Variants in KDM4C observed in about 807,000 individuals in gnomAD.
The protein encoded by KDM4C is lysine-specific demethylase 4C.
In KDM4C, 81 loss-of-function variants were observed where a neutral mutation model predicts 129.3. That is an observed-to-expected ratio of 0.63 (90% CI 0.52 to 0.75). The LOEUF is 0.75. Ranked by LOEUF, KDM4C falls within the 30% of genes least tolerant of loss-of-function variation. The pLI, the probability that KDM4C is intolerant of heterozygous loss-of-function variation, is 0.00. For synonymous variants in KDM4C, 573 were observed against 456.1 expected (o/e 1.26, Z -3.26); for missense variants, 1,457 against 1,304.0 (o/e 1.12, Z -1.81).
At chr9:7,052,802 T>C (rs560065235) in intron 17 of KDM4C, among the ~76,000 whole-genome samples, 8 of 149,050 alleles carry the variant, frequency 5.4e-5, no homozygotes, top group Non-Finnish European at 8.9e-5. Flanking sequence ...CAGTTTCTTA[T>C]GTTGCTCTTA....
chr9:6,806,871 C>CGTCTCT (rs1830068302), intron 3 of KDM4C, among the ~76,000 whole-genome samples: 1 of 139,270 alleles, frequency 7.2e-6, no homozygotes, highest in Non-Finnish European at 1.5e-5. Context: ...TCTCCCTCTC[C>CGTCTCT]GTCTCCGTCT....
intron 8 of KDM4C, among the ~76,000 whole-genome samples, chr9:6,972,731 G>A (rs1268420077): frequency 6.6e-6 from 1 of 152,122 alleles, no homozygotes; most frequent in Non-Finnish European, 1.5e-5. Flanking sequence ...TCTGCGTGTT[G>A]GATACCTGTT....
intron 8 of KDM4C, among the ~76,000 whole-genome samples, chr9:6,898,401 C>A (rs1254980280): frequency 6.6e-6 from 1 of 152,086 alleles, no homozygotes; most frequent in Admixed American, 6.5e-5. Context: ...AAGAGACTTA[C>A]TGTGTCAGAA....
intron 19 of KDM4C, among the ~76,000 whole-genome samples, chr9:7,132,112 A>T (rs371786216): frequency 3.3e-5 from 5 of 152,228 alleles, no homozygotes; most frequent in East Asian, 1.9e-4. Flanking sequence ...GGTACAGTGC[A>T]ATTTCAGTTT....
At chr9:7,136,262 G>T (rs906578309) in intron 19 of KDM4C, among the ~76,000 whole-genome samples, 7 of 152,036 alleles carry the variant, frequency 4.6e-5, no homozygotes, top group African/African-American at 1.7e-4. Flanking sequence ...TTCCTGTTTG[G>T]GGCTATTATA....
chr9:7,044,817 G>A (rs908589880), intron 15 of KDM4C, among the ~76,000 whole-genome samples: 14 of 151,866 alleles, frequency 9.2e-5, no homozygotes, highest in African/African-American at 3.4e-4. Flanking sequence ...GAAGTAATAG[G>A]GCCTATTACA....
chr9:7,134,588 TCTC>T (rs1324750975), intron 19 of KDM4C, among the ~76,000 whole-genome samples: 2 of 152,250 alleles, frequency 1.3e-5, no homozygotes, highest in African/African-American at 2.4e-5. Context: ...TAGCTTGAAT[TCTC>T]CTATTTCAGA....
intron 12 of KDM4C, among the ~76,000 whole-genome samples, chr9:7,010,562 A>C (rs910018509): frequency 6.6e-6 from 1 of 152,216 alleles, no homozygotes; most frequent in Non-Finnish European, 1.5e-5. Flanking sequence ...TTTGAAAGCT[A>C]CTTATGCAGA....
chr9:6,813,646 A>G (rs1225082753), intron 3 of KDM4C, among the ~76,000 whole-genome samples: 1 of 152,178 alleles, frequency 6.6e-6, no homozygotes, highest in Non-Finnish European at 1.5e-5. Context: ...TTCTTCCTGA[A>G]GAAACATTGG....
intron 19 of KDM4C, among the ~76,000 whole-genome samples, chr9:7,153,149 G>T (rs1842867189): frequency 6.6e-6 from 1 of 152,012 alleles, no homozygotes. Flanking sequence ...TGTTGCCCAG[G>T]CTGGTCTTGA....
chr9:7,021,136 GTGTGTA>G (rs1563996144), intron 15 of KDM4C, among the ~76,000 whole-genome samples: 7 of 111,280 alleles, frequency 6.3e-5, no homozygotes, highest in African/African-American at 1.0e-4. Flanking sequence ...GTGTGTGTGT[GTGTGTA>G]TATATATATA....
intron 18 of KDM4C, among the ~76,000 whole-genome samples, chr9:7,122,509 C>G (rs1228590973): frequency 6.6e-6 from 1 of 152,086 alleles, no homozygotes; most frequent in Non-Finnish European, 1.5e-5. Flanking sequence ...GTTCTGAGAT[C>G]TTGGAAAAGT....
chr9:6,732,525 G>A (rs913547737), intron 1 of KDM4C, among the ~76,000 whole-genome samples: 2 of 151,902 alleles, frequency 1.3e-5, no homozygotes, highest in African/African-American at 4.8e-5. Flanking sequence ...TGGGATTACG[G>A]GCATGAGCCA....
chr9:7,168,889 A>C (rs1407977740), intron 20 of KDM4C, among the ~76,000 whole-genome samples: 1 of 152,020 alleles, frequency 6.6e-6, no homozygotes, highest in African/African-American at 2.4e-5. Context: ...AACTACAATA[A>C]AATAAAATAG....
chr9:6,939,105 G>A (rs1825360827), intron 8 of KDM4C, among the ~76,000 whole-genome samples: 1 of 151,570 alleles, frequency 6.6e-6, no homozygotes, highest in Non-Finnish European at 1.5e-5. Context: ...CTTGTGGTTA[G>A]GTTCCAGTGG....
chr9:6,772,367 C>CT lies in KDM4C; in HGVS notation c.-18+14175dup, dbSNP rs35857346. 4.6e-3 allele frequency among the ~76,000 whole-genome samples: 566 copies of CT among 121,812 alleles called. 3 individuals carry two copies. Among genetic ancestry groups the CT allele is most frequent in the African/African-American group, 0.012 (386 of 32,236 alleles). 79.9% of individuals were successfully genotyped at this position (121,812 alleles called of 152,430 possible). A position where few individuals can be genotyped will look rare whatever the true frequency, so the allele number is the denominator to read the frequency against. On this transcript the variant is annotated intron_variant, in intron 1 of 21. Coordinates refer to ENST00000381309, the MANE Select transcript of KDM4C (RefSeq NM_015061.6). ...TTTCACCATGTTGGCCAGACTGGTC[C>CT]TTTTTTTTTTTGAGACGGCGTCTTG...
At chr9:6,741,673 G>C (rs1326523339) in intron 1 of KDM4C, among the ~76,000 whole-genome samples, 2 of 128,210 alleles carry the variant, frequency 1.6e-5, no homozygotes, top group East Asian at 4.2e-4. Context: ...TGAGGTGGCA[G>C]CTCTTTTTTT....
chr9:7,073,401 T>C (rs564811849), intron 17 of KDM4C, among the ~76,000 whole-genome samples: 22 of 152,352 alleles, frequency 1.4e-4, no homozygotes, highest in African/African-American at 4.3e-4. Flanking sequence ...TTATTTTATA[T>C]GTTATATAGA....
intron 2 of KDM4C, among the ~76,000 whole-genome samples, chr9:6,793,708 T>C (rs866205765): frequency 6.6e-6 from 1 of 151,826 alleles, no homozygotes; most frequent in Non-Finnish European, 1.5e-5. Context: ...GCCCCGCTAA[T>C]TTTTTTGTAT....
Sources: gnomAD v4.1 joint callset for allele counts (sites outside exome capture counted in the v4.1 genomes callset) on GRCh38, gnomAD v4.1.1 for gene constraint, MANE v1.5 for transcripts, NCBI Gene and HGNC (gene_info 2026-07-23, HGNC 2026-07-21) for gene names.